KIAA1671: variants seen among roughly 807,000 people sequenced by gnomAD.
The protein encoded by KIAA1671 is uncharacterized protein KIAA1671.
A neutral mutation model predicts 131.2 loss-of-function variants in KIAA1671; 52 were observed. The observed-to-expected ratio is 0.40, with a 90% CI of 0.32 to 0.50. KIAA1671 has a LOEUF of 0.50. Among genes scored for constraint, KIAA1671 ranks in the 20% least tolerant of loss-of-function variants. The pLI is 0.73. For missense variants in KIAA1671, 2,360 were observed against 2,364.2 expected (o/e 1.00, Z 0.04); for synonymous variants, 1,003 against 961.6 (o/e 1.04, Z -0.80).
intron 1 of KIAA1671, among the ~76,000 whole-genome samples, chr22:24,982,479 G>T (rs1051673403): frequency 4.6e-5 from 7 of 152,232 alleles, no homozygotes; most frequent in African/African-American, 1.7e-4. Flanking sequence ...TCTGGACTGT[G>T]TGCCTCCCAC....
chr22:25,029,294 C>T lies in KIAA1671; in HGVS notation c.1295C>T (p.Ala432Val). The T allele has an allele frequency of 6.6e-7, 1 of 1,520,814 alleles. No individual in the cohort carries two copies. The highest frequency in any genetic ancestry group is 8.9e-7 in the Non-Finnish European group (1 of 1,129,366). The allele number at this position is 1,520,814 out of a possible 1,614,324, so 94.2% of individuals were successfully genotyped here. The change falls in exon 3 of 13, where the codon GCC (alanine) becomes GTC (valine). Residue 432 changes from alanine (A) to valine (V), a missense_variant. By Grantham distance (64) the Ala-to-Val change is moderately conservative. This residue lies in a region of KIAA1671 where 1,185 missense variants were observed against 1,126.2 expected (regional missense o/e 1.05). Transcript: ENST00000358431. ...DGEAAAGGEW[A>V]SRRSVRKCIS... is the part of the protein sequence containing the mutation. ...GAGGCCGCGGCAGGGGGAGAGTGGGCCTCCAGGAGGAGTGTCAGGAAGTGC... is the reference window on the plus strand; with the variant it reads ...GAGGCCGCGGCAGGGGGAGAGTGGGTCTCCAGGAGGAGTGTCAGGAAGTGC...
intron 9 of KIAA1671, among the ~76,000 whole-genome samples, chr22:25,178,517 G>A (rs1934126152): frequency 6.6e-6 from 1 of 152,284 alleles, no homozygotes. Flanking sequence ...GTGGGGAGGG[G>A]CGGCGGGGCT....
chr22:25,032,479 T>G, intron 3 of KIAA1671, 130 bp from the exon 4 acceptor site: 1 of 549,674 alleles, frequency 1.8e-6, no homozygotes, highest in Non-Finnish European at 3.3e-6. Flanking sequence ...ACTGGGCAGT[T>G]CTCCTTTTGG....
At position 25,197,433 on chromosome 22, in the gene KIAA1671, A is replaced by C. The variant is rs1218071714; in HGVS notation, c.*5032A>C. On this transcript the variant is annotated 3_prime_UTR_variant, in exon 13 of 13. Transcript: ENST00000358431. ...AAAATAGCAAATAAAGCTTTGGTGC[A>C]AGTTGCATTGGAGAAGTCGGTGCGT... 1 of 152,240 alleles carries C rather than the reference A, an allele frequency of 6.6e-6. No homozygotes were observed. The highest frequency in any genetic ancestry group is 1.5e-5 in the Non-Finnish European group (1 of 68,040). 9.4% of individuals were successfully genotyped at this position (152,240 alleles called of 1,614,324 possible).
rs1453775285 is a variant in KIAA1671 at position 25,039,909 on chromosome 22, G to A, written c.2779G>A (p.Val927Met). 2 of 1,551,480 alleles carry A rather than the reference G, an allele frequency of 1.3e-6. No individual in the cohort carries two copies. Among genetic ancestry groups the A allele is most frequent in the African/African-American group, 2.7e-5 (2 of 73,068 alleles). Residue 927 changes from valine (V) to methionine (M), a missense_variant, in exon 5 of 13, where the codon GTG (valine) becomes ATG (methionine). Around this residue, in one of 3 missense-constraint regions of KIAA1671, gnomAD observed 1,161 missense variants for 1,204.7 expected, o/e 0.96. Transcript: ENST00000358431. ...GGAGGGTGATCCAGGGCCGGCCCAG[G>A]TGCCACAGCCTGCAGTCAGAATGCG... Reference protein sequence around the residue: ...AREGDPGPAQVPQPAVRMRKA... With the variant: ...AREGDPGPAQMPQPAVRMRKA...
chr22:25,066,268 C>T (rs573236777), intron 6 of KIAA1671, among the ~76,000 whole-genome samples: 1 of 152,324 alleles, frequency 6.6e-6, no homozygotes, highest in East Asian at 1.9e-4. Flanking sequence ...CCTACCTCAG[C>T]CTCCTGAGTA....
intron 1 of KIAA1671, among the ~76,000 whole-genome samples, chr22:24,977,738 CAG>C (rs1253970174): frequency 1.3e-5 from 2 of 152,244 alleles, no homozygotes; most frequent in Non-Finnish European, 2.9e-5. Flanking sequence ...CAAGTGGAGA[CAG>C]AGGTTTTTTG....
chr22:25,049,897 A>C (rs567577213), intron 6 of KIAA1671: 1 of 152,858 alleles, frequency 6.5e-6, no homozygotes, highest in East Asian at 1.9e-4. Flanking sequence ...CCTGGGTTCA[A>C]GTCCCGGATC....
intron 12 of KIAA1671, 116 bp downstream of exon 12, chr22:25,190,900 G>GT: frequency 7.2e-6 from 5 of 697,848 alleles, no homozygotes; most frequent in Non-Finnish European, 1.2e-5. Context: ...AAGAGGCTGT[G>GT]TAAGGGGAAG....
chr22:25,171,613 G>A (rs1933851271), intron 7 of KIAA1671, among the ~76,000 whole-genome samples: 2 of 152,036 alleles, frequency 1.3e-5, no homozygotes, highest in South Asian at 4.2e-4. Context: ...TGCTCAGGAG[G>A]CTGAAGCACA....
intron 4 of KIAA1671, among the ~76,000 whole-genome samples, chr22:25,034,517 G>A (rs1480639086): frequency 1.3e-5 from 2 of 151,820 alleles, no homozygotes; most frequent in African/African-American, 2.4e-5. Flanking sequence ...ATCATTCATG[G>A]TGTAGCATGT....
chr22:25,101,285 C>G (rs1601314167), intron 6 of KIAA1671, among the ~76,000 whole-genome samples: 1 of 152,262 alleles, frequency 6.6e-6, no homozygotes, highest in East Asian at 1.9e-4. Context: ...TAGAGAAGGC[C>G]AGGGTTTGCA....
At chr22:25,179,290 C>T (rs878876613) in intron 9 of KIAA1671, 2 of 1,567,100 alleles carry the variant, frequency 1.3e-6, no homozygotes, top group South Asian at 2.3e-5. Context: ...GCAGGATGGG[C>T]GCCGCCCGTC....
At chr22:25,077,527 C>T (rs1929177456) in intron 6 of KIAA1671, among the ~76,000 whole-genome samples, 1 of 152,242 alleles carries the variant, frequency 6.6e-6, no homozygotes, top group African/African-American at 2.4e-5. Context: ...GCTTCCTCTA[C>T]TCCAGCCTCC....
chr22:25,118,119 C>T (rs139535084), intron 6 of KIAA1671, among the ~76,000 whole-genome samples: 3,453 of 126,042 alleles, frequency 0.027, 144 homozygotes, highest in African/African-American at 0.095. Flanking sequence ...GCCTGGGCAA[C>T]AAGAATGCAA....
At chr22:25,062,673 T>G (rs912687328) in intron 6 of KIAA1671, 1 of 152,518 alleles carries the variant, frequency 6.6e-6, no homozygotes, top group Non-Finnish European at 1.5e-5. Context: ...TGCTGGGTCC[T>G]GTCTTCGCTG....
intron 1 of KIAA1671, among the ~76,000 whole-genome samples, chr22:24,977,955 G>A (rs1923000746): frequency 6.6e-6 from 1 of 152,092 alleles, no homozygotes; most frequent in Non-Finnish European, 1.5e-5. Context: ...CAGAACCTCA[G>A]GGCTCCAGCA....
intron 1 of KIAA1671, among the ~76,000 whole-genome samples, chr22:24,970,207 C>T (rs890364810): frequency 6.6e-6 from 1 of 152,154 alleles, no homozygotes; most frequent in Non-Finnish European, 1.5e-5. Flanking sequence ...CCGCTGACTT[C>T]AGCAGTGGCT....
chr22:25,179,652 A>T, intron 9 of KIAA1671: 1 of 684,820 alleles, frequency 1.5e-6, no homozygotes. Flanking sequence ...TGCAGAACTT[A>T]TCAGAAACTA....
Sources: gnomAD v4.1 joint callset for allele counts (sites outside exome capture counted in the v4.1 genomes callset) on GRCh38, gnomAD v4.1.1 for gene constraint, gnomAD v4.1.1 regional missense constraint, MANE v1.5 for transcripts, NCBI Gene and HGNC (gene_info 2026-07-23, HGNC 2026-07-21) for gene names.